ANO6: variants seen among roughly 807,000 people sequenced by gnomAD.
The protein encoded by ANO6 is anoctamin 6.
A neutral mutation model predicts 117.5 loss-of-function variants in ANO6; 106 were observed. The observed-to-expected ratio is 0.90, with a 90% CI of 0.77 to 1.06. ANO6 has a LOEUF of 1.06. ANO6 is among the 50% of genes least tolerant of loss of function. The pLI is 0.00. For missense variants in ANO6, 955 were observed against 1,121.1 expected, an observed-to-expected ratio of 0.85 and a Z score of 2.12; for synonymous variants, 367 against 385.1, an observed-to-expected ratio of 0.95 and a Z score of 0.55.
intron 17 of ANO6, among the ~76,000 whole-genome samples, chr12:45,419,214 A>G (rs1018245738): frequency 2.0e-5 from 3 of 152,236 alleles, no homozygotes; most frequent in African/African-American, 7.2e-5. Flanking sequence ...CAGCATGGGA[A>G]ATGAAACACA....
At chr12:45,319,725 C>T (rs1274950815) in intron 2 of ANO6, among the ~76,000 whole-genome samples, 3 of 152,096 alleles carry the variant, frequency 2.0e-5, no homozygotes, top group Non-Finnish European at 2.9e-5. Context: ...TGGTAGAATT[C>T]GGCTGTGAAT....
chr12:45,281,489 G>A (rs116333855), intron 1 of ANO6, among the ~76,000 whole-genome samples: 184 of 152,276 alleles, frequency 1.2e-3, no homozygotes, highest in African/African-American at 4.2e-3. Context: ...CAATCATGGC[G>A]GAAGGCGAAG....
At position 45,217,257 on chromosome 12, in the gene ANO6, C is replaced by A. The variant is rs1017870806; in HGVS notation, c.70+866C>A. Among the ~76,000 whole-genome samples the A allele has an allele frequency of 1.1e-4, 17 of 152,088 alleles. 1 individual carries two copies. The highest frequency in any genetic ancestry group is 3.2e-3 in the Middle Eastern group (1 of 316). On this transcript the variant is annotated intron_variant, in intron 1 of 19. Transcript: ENST00000320560. ...TCGGGGGATGATGATATAATGTGTC[C>A]CTCCAGAAGACTCTAATTAAATTAC... is the stretch of plus-strand genomic sequence containing the variant.
chr12:45,283,565 C>T (rs1277282147), intron 1 of ANO6, among the ~76,000 whole-genome samples: 1 of 152,176 alleles, frequency 6.6e-6, no homozygotes, highest in Non-Finnish European at 1.5e-5. Flanking sequence ...TTGGTTGATT[C>T]AGTTATATAA....
At position 45,390,413 on chromosome 12, in the gene ANO6, G is replaced by T. The variant is rs373224319; in HGVS notation, c.1309-8G>T. ...TGATTGACTAAACTTTTTTGTTTTTGTAATTAGGAAGAAGAACGCATTCCC... is the reference window on the plus strand; with the variant it reads ...TGATTGACTAAACTTTTTTGTTTTTTTAATTAGGAAGAAGAACGCATTCCC... On this transcript the variant is annotated splice_polypyrimidine_tract_variant and splice_region_variant and intron_variant, in intron 11 of 19. Transcript: ENST00000320560. 497 of 1,612,112 alleles carry T rather than the reference G, an allele frequency of 3.1e-4. No individual in the cohort carries two copies. The highest frequency in any genetic ancestry group is 3.9e-4 in the Non-Finnish European group (462 of 1,178,644).
At chr12:45,343,914 T>TTC in intron 3 of ANO6, among the ~76,000 whole-genome samples, 1 of 129,618 alleles carries the variant, frequency 7.7e-6, no homozygotes, top group Non-Finnish European at 1.6e-5. Flanking sequence ...GGCCTGGCTT[T>TTC]GCATCACTAG....
At chr12:45,283,563 T>C (rs1341378410) in intron 1 of ANO6, among the ~76,000 whole-genome samples, 1 of 152,222 alleles carries the variant, frequency 6.6e-6, no homozygotes, top group Non-Finnish European at 1.5e-5. Flanking sequence ...ATTTGGTTGA[T>C]TCAGTTATAT....
intron 18 of ANO6, among the ~76,000 whole-genome samples, chr12:45,421,966 C>T (rs2137704718): frequency 6.6e-6 from 1 of 152,262 alleles, no homozygotes; most frequent in Non-Finnish European, 1.5e-5. Context: ...TTTAGTCCAA[C>T]TCCTCAAAGC....
chr12:45,336,226 A>G (rs143044779), intron 3 of ANO6, among the ~76,000 whole-genome samples: 1 of 152,122 alleles, frequency 6.6e-6, no homozygotes, highest in East Asian at 1.9e-4. Flanking sequence ...TTTTTCTTAT[A>G]TCTATTGAGG....
intron 7 of ANO6, among the ~76,000 whole-genome samples, chr12:45,355,303 C>T (rs1488467746): frequency 6.6e-6 from 1 of 152,074 alleles, no homozygotes; most frequent in Non-Finnish European, 1.5e-5. Context: ...AACTAAGAGA[C>T]AGATTTCCTT....
At chr12:45,324,176 C>T (rs1034575665) in intron 2 of ANO6, among the ~76,000 whole-genome samples, 7 of 151,946 alleles carry the variant, frequency 4.6e-5, no homozygotes, top group Non-Finnish European at 7.4e-5. Flanking sequence ...TCAGGTGATC[C>T]GCCACCTCGA....
intron 1 of ANO6, among the ~76,000 whole-genome samples, chr12:45,271,177 A>G (rs750562718): frequency 4.6e-5 from 7 of 152,234 alleles, no homozygotes; most frequent in Non-Finnish European, 1.0e-4. Flanking sequence ...ACAAGATTTC[A>G]GTGACCTTAC....
In ANO6 at chr12:45,423,171, T is replaced by A. The variant is rs1943410753; in HGVS notation, c.2526+109T>A. The A allele has an allele frequency of 2.4e-6, 2 of 832,458 alleles. 1 individual carries two copies. The highest frequency in any genetic ancestry group is 2.7e-5 in the South Asian group (2 of 72,864). 51.6% of individuals were successfully genotyped at this position (832,458 alleles called of 1,614,324 possible). On this transcript the variant is annotated intron_variant, in intron 19 of 19. Transcript: ENST00000320560. Reference sequence around the variant, plus strand: ...ATGTGTGATACTTTCTTCTTATCACTTGCTAATATTTTAGGAAATATGTTA... The same window carrying A: ...ATGTGTGATACTTTCTTCTTATCACATGCTAATATTTTAGGAAATATGTTA...
chr12:45,352,934 C>T (rs1808775307), intron 7 of ANO6, among the ~76,000 whole-genome samples: 1 of 151,036 alleles, frequency 6.6e-6, no homozygotes, highest in Non-Finnish European at 1.5e-5. Context: ...GAAAGAATGC[C>T]TTTCATTCCC....
intron 11 of ANO6, among the ~76,000 whole-genome samples, chr12:45,390,010 A>G (rs1942398665): frequency 6.6e-6 from 1 of 152,238 alleles, no homozygotes; most frequent in African/African-American, 2.4e-5. Context: ...ATAAAGCCCA[A>G]CCAAGAAACA....
rs977113975 is a variant in ANO6, at chr12:45,292,314, G to A, written c.71-9700G>A. Reference sequence around the variant, plus strand: ...AGAGATAACTAGGGACTGGGGAAAAGGGGAAGGGGAAATGGGGAATTCGTG... The same window carrying A: ...AGAGATAACTAGGGACTGGGGAAAAAGGGAAGGGGAAATGGGGAATTCGTG... On this transcript the variant is annotated intron_variant, in intron 1 of 19. Coordinates refer to ENST00000320560, the MANE Select transcript of ANO6 (RefSeq NM_001025356.3). Among the ~76,000 whole-genome samples the A allele has an allele frequency of 2.0e-5, 3 of 152,174 alleles. No homozygotes were observed. In the East Asian group the frequency reaches 5.8e-4, roughly 29 times the overall value.
At chr12:45,378,988 A>T (rs1942102613) in intron 10 of ANO6, among the ~76,000 whole-genome samples, 1 of 152,224 alleles carries the variant, frequency 6.6e-6, no homozygotes, top group Non-Finnish European at 1.5e-5. Context: ...CATTAATACA[A>T]TGAGGCAATT....
intron 18 of ANO6, among the ~76,000 whole-genome samples, chr12:45,422,648 C>A (rs1943394287): frequency 6.6e-6 from 1 of 151,642 alleles, no homozygotes; most frequent in African/African-American, 2.4e-5. Context: ...CATATCAGCT[C>A]CCTGCAACCT....
intron 2 of ANO6, among the ~76,000 whole-genome samples, chr12:45,310,496 A>G (rs1158171633): frequency 6.6e-6 from 1 of 152,094 alleles, no homozygotes; most frequent in African/African-American, 2.4e-5. Flanking sequence ...ATGAAGAAGC[A>G]GTGGTCAGCC....
Sources: allele counts gnomAD v4.1 joint callset (sites outside exome capture counted in the v4.1 genomes callset), GRCh38; gene constraint gnomAD v4.1.1; transcripts MANE v1.5; gene names NCBI Gene and HGNC (gene_info 2026-07-23, HGNC 2026-07-21).